RASGRP3: variants seen among roughly 807,000 people sequenced by gnomAD.
RASGRP3 encodes the protein RAS guanyl releasing protein 3, also known as ras guanyl-releasing protein 3.
RASGRP3 carries 54 observed loss-of-function variants against 82.7 expected under a neutral mutation model. That is an observed-to-expected ratio of 0.65 (90% CI 0.52 to 0.82). The LOEUF is 0.82. RASGRP3 is among the 40% of genes least tolerant of loss of function. The pLI is 0.00. For missense variants in RASGRP3, 861 were observed against 828.9 expected (o/e 1.04, Z -0.48); for synonymous variants, 309 against 300.5 (o/e 1.03, Z -0.29).
chr2:33,470,137 G>C (rs1666968667), intron 2 of RASGRP3, among the ~76,000 whole-genome samples: 1 of 151,820 alleles, frequency 6.6e-6, no homozygotes, highest in Non-Finnish European at 1.5e-5. Context: ...TTTTTGACCT[G>C]TTTGAAAAAT....
intron 1 of RASGRP3, 87 bp downstream of exon 1, chr2:33,476,794 T>TGTGTGTGTGTGTTG (rs1667420223): frequency 6.6e-6 from 1 of 151,252 alleles, no homozygotes; most frequent in East Asian, 2.0e-4. Context: ...TGTGTGTGTG[T>TGTGTGTGTGTGTTG]GTTGCAAGCC....
At chr2:33,497,537 G>T (rs1221701589) in intron 1 of RASGRP3, among the ~76,000 whole-genome samples, 1 of 152,170 alleles carries the variant, frequency 6.6e-6, no homozygotes, top group East Asian at 1.9e-4. Context: ...TTGTTTTAGG[G>T]ACATTAATCA....
Position 33,563,028 on chromosome 2 carries a change from A to G in RASGRP3, c.*291A>G, listed in dbSNP as rs574477645. 7.3e-6 allele frequency: 3 copies of G among 413,580 alleles called. No individual in the cohort carries two copies. In the South Asian group the frequency reaches 1.8e-4, roughly 25 times the overall value. The allele number at this position is 413,580 out of a possible 1,614,324, so 25.6% of individuals were successfully genotyped here. Reference sequence around the variant, plus strand: ...ATGTATCTTTCTCTAGACCATTTATATACGGGTGAAATGAAAGCTTTTTTG... The same window carrying G: ...ATGTATCTTTCTCTAGACCATTTATGTACGGGTGAAATGAAAGCTTTTTTG... On this transcript the variant is annotated 3_prime_UTR_variant, in exon 18 of 18. Transcript: ENST00000403687.
At chr2:33,561,068 C>CT (rs929955364) in intron 17 of RASGRP3, among the ~76,000 whole-genome samples, 65 of 146,332 alleles carry the variant, frequency 4.4e-4, no homozygotes, top group East Asian at 7.9e-4. Context: ...TCTTTTCTTT[C>CT]TTTTTTTTTT....
Position 33,519,941 on chromosome 2 carries a change from A to T in RASGRP3, c.174-11A>T. 6.2e-7 allele frequency: 1 copy of T among 1,603,062 alleles called. No individual in the cohort carries two copies. The highest frequency in any genetic ancestry group is 1.3e-5 in the African/African-American group (1 of 74,788). On this transcript the variant is annotated splice_polypyrimidine_tract_variant and intron_variant, in intron 4 of 17. Transcript: ENST00000403687. ...GGAGGTGCAAGGATTTTTTTTCTTT[A>T]ACTGGTTTACGTATCGAAATGCCAC...
chr2:33,467,978 CTTTTTCTTTCTTTCTTTCTTTCTTTCTT>C (rs1337700151), intron 2 of RASGRP3, among the ~76,000 whole-genome samples: 6 of 140,812 alleles, frequency 4.3e-5, no homozygotes, highest in Non-Finnish European at 6.1e-5. Context: ...GATGGTGAGG[CTTTTTCTTTCTTTCTTTCTTTCTTTCTT>C]TCTTTCTTTC....
chr2:33,472,694 C>T (rs553933631), upstream of RASGRP3, among the ~76,000 whole-genome samples: 1 of 152,010 alleles, frequency 6.6e-6, no homozygotes, highest in African/African-American at 2.4e-5. Flanking sequence ...AGATGGCTCA[C>T]GCCTGTAATC....
In RASGRP3 at chr2:33,523,184, A is replaced by T. The variant is rs1389343156; in HGVS notation, c.517-695A>T. The stretch of plus-strand genomic sequence containing the variant: ...ATCACCAGCAGTGTGTTAAAAATGG[A>T]GATTCTTGGCCGGGCGCGCCTTTAA... On this transcript the variant is annotated intron_variant, in intron 7 of 17. Transcript: ENST00000403687. Among the ~76,000 whole-genome samples, 2 of 152,096 alleles carry T rather than the reference A, an allele frequency of 1.3e-5. 1 individual carries two copies. The highest frequency in any genetic ancestry group is 4.8e-5 in the African/African-American group (2 of 41,412).
intron 9 of RASGRP3, 29 bp from the exon 10 acceptor site, chr2:33,527,108 G>GAA (rs755195527): frequency 1.9e-6 from 3 of 1,610,598 alleles, no homozygotes; most frequent in Non-Finnish European, 2.5e-6. Flanking sequence ...AAAGTTGTTT[G>GAA]AAAATTCTAC....
intron 1 of RASGRP3, among the ~76,000 whole-genome samples, chr2:33,499,773 A>AAAAAGAG (rs1440922139): frequency 4.4e-5 from 6 of 135,654 alleles, no homozygotes; most frequent in African/African-American, 1.6e-4. Flanking sequence ...CAAAAAAAAA[A>AAAAAGAG]AGAGAGGATA....
intron 15 of RASGRP3, 146 bp downstream of exon 15, chr2:33,555,713 AG>A (rs1415436257): frequency 1.4e-6 from 1 of 702,712 alleles, no homozygotes; most frequent in African/African-American, 1.8e-5. Context: ...ATTGCCTCTG[AG>A]GAGGAGTTTC....
At chr2:33,552,115 G>C (rs539656363) in intron 14 of RASGRP3, among the ~76,000 whole-genome samples, 8 of 152,354 alleles carry the variant, frequency 5.3e-5, no homozygotes, top group African/African-American at 1.9e-4. Context: ...TGTAGGAGCA[G>C]CAAGGTAGAC....
At chr2:33,502,621 T>C (rs1669982126) in intron 1 of RASGRP3, among the ~76,000 whole-genome samples, 1 of 152,014 alleles carries the variant, frequency 6.6e-6, no homozygotes, top group East Asian at 1.9e-4. Context: ...CAAGGGATTC[T>C]CCTGCCTCAG....
intron 12 of RASGRP3, among the ~76,000 whole-genome samples, chr2:33,540,437 T>C (rs1191848142): frequency 6.8e-6 from 1 of 146,096 alleles, no homozygotes; most frequent in East Asian, 1.9e-4. Flanking sequence ...AGCTCAGGAA[T>C]GTCTGAAGCC....
Position 33,518,113 on chromosome 2 carries a change from C to T in RASGRP3, c.173+1469C>T, listed in dbSNP as rs932288638. On this transcript the variant is annotated intron_variant, in intron 4 of 17. Transcript: ENST00000403687. ...TACACATAACATAACGACGGGGATA[C>T]ATTCTAAGAAATTCATCATTCGATG... Among the ~76,000 whole-genome samples, 9 of 152,064 alleles carry T rather than the reference C, an allele frequency of 5.9e-5. No individual in the cohort carries two copies. In the East Asian group the frequency reaches 1.2e-3, roughly 20 times the overall value.
intron 9 of RASGRP3, 99 bp from the exon 10 acceptor site, chr2:33,527,038 T>C (rs1324599163): frequency 3.2e-6 from 4 of 1,257,364 alleles, no homozygotes; most frequent in Non-Finnish European, 3.3e-6. Context: ...GTGATACTTT[T>C]CTCAGTAGCT....
In RASGRP3 at chr2:33,549,663, T is replaced by C. The variant is rs778073822; in HGVS notation, c.1454T>C (p.Leu485Pro). 6.2e-7 allele frequency: 1 copy of C among 1,613,720 alleles called. No homozygotes were observed. Residue 485 changes from leucine (L) to proline (P), a missense_variant, in exon 14 of 18, where the codon CTA becomes CCA. Leu to Pro is a moderately conservative substitution (Grantham distance 98). Coordinates refer to ENST00000403687, the MANE Select transcript of RASGRP3 (RefSeq NM_001139488.2). ...MAYFLRAKSQ[L>P]HCKMGPGFIH... ...TACTTCCTGAGAGCTAAATCCCAACTACACTGTAAAATGGGACCAGGATTT... is the reference window on the plus strand; with the variant it reads ...TACTTCCTGAGAGCTAAATCCCAACCACACTGTAAAATGGGACCAGGATTT...
chr2:33,509,399 C>CAA lies in RASGRP3; in HGVS notation c.-260-2300_-260-2299dup, dbSNP rs74781951. On this transcript the variant is annotated intron_variant, in intron 1 of 17. Transcript: ENST00000403687. The stretch of plus-strand genomic sequence containing the variant: ...CCTGGGCAACAGAGCAAGACCATCT[C>CAA]AAAAAAAAAAAATCCAGATATGATC... 9.0e-4 allele frequency among the ~76,000 whole-genome samples: 130 copies of CAA among 143,858 alleles called. 1 individual carries two copies. In the East Asian group the frequency reaches 0.017, roughly 19 times the overall value. The allele number at this position is 143,858 out of a possible 152,430, so 94.4% of individuals were successfully genotyped here.
intron 2 of RASGRP3, among the ~76,000 whole-genome samples, chr2:33,466,606 G>A (rs1666710454): frequency 6.6e-6 from 1 of 151,978 alleles, no homozygotes; most frequent in Non-Finnish European, 1.5e-5. Context: ...TTGAACCTGG[G>A]AGGTGGAGGT....
Sources: gnomAD v4.1 joint callset for allele counts (sites outside exome capture counted in the v4.1 genomes callset) on GRCh38, gnomAD v4.1.1 for gene constraint, MANE v1.5 for transcripts, NCBI Gene and HGNC (gene_info 2026-07-23, HGNC 2026-07-21) for gene names.